The following DLGAP2 variants were observed in gnomAD, a reference collection of about 807,000 sequenced individuals.
The protein encoded by DLGAP2 is DLG associated protein 2.
In DLGAP2, 26 loss-of-function variants were observed where a neutral mutation model predicts 100.3. That is an observed-to-expected ratio of 0.26 (90% CI 0.19 to 0.36). The LOEUF (loss-of-function observed/expected upper bound fraction) is 0.36, where lower values mean the gene tolerates loss of function less well. Among genes scored for constraint, DLGAP2 ranks in the 10% least tolerant of loss-of-function variants. DLGAP2 has a pLI of 1.00. For synonymous variants in DLGAP2, 886 were observed against 630.1 expected (o/e 1.41, Z -6.08); for missense variants, 1,858 against 1,453.2 (o/e 1.28, Z -4.53).
chr8:1,480,900 G>A (rs1441239804), intron 3 of DLGAP2, among the ~76,000 whole-genome samples: 1 of 150,586 alleles, frequency 6.6e-6, no homozygotes, highest in Non-Finnish European at 1.5e-5. Context: ...AGGCTGGGAA[G>A]GGTGGCTTAC....
intron 3 of DLGAP2, among the ~76,000 whole-genome samples, chr8:1,388,395 G>A (rs1284466462): frequency 2.8e-4 from 21 of 74,910 alleles, no homozygotes; most frequent in South Asian, 5.9e-4. Context: ...TCAGGGCTGT[G>A]AGAGCAGAGG....
chr8:1,359,943 G>T (rs963525577), intron 3 of DLGAP2, among the ~76,000 whole-genome samples: 1 of 152,206 alleles, frequency 6.6e-6, no homozygotes, highest in African/African-American at 2.4e-5. Context: ...AAACAGGACC[G>T]TCCTGAGTTC....
chr8:1,191,681 G>A (rs1011683741), intron 2 of DLGAP2, among the ~76,000 whole-genome samples: 1 of 152,098 alleles, frequency 6.6e-6, no homozygotes, highest in East Asian at 1.9e-4. Context: ...AAATCAAGAA[G>A]GAACTTGAGC....
intron 4 of DLGAP2, among the ~76,000 whole-genome samples, chr8:1,540,725 C>T (rs13271550): frequency 6.6e-6 from 1 of 152,054 alleles, no homozygotes; most frequent in Non-Finnish European, 1.5e-5. Flanking sequence ...CGTGGGCGGC[C>T]GTGACCAGCA....
chr8:1,127,115 CCTT>C (rs1229382097), intron 2 of DLGAP2, among the ~76,000 whole-genome samples: 2 of 149,080 alleles, frequency 1.3e-5, no homozygotes, highest in African/African-American at 4.9e-5. Flanking sequence ...CTTAAACGGT[CCTT>C]CTGCTTGTGT....
intron 2 of DLGAP2, among the ~76,000 whole-genome samples, chr8:1,049,536 T>C (rs1214509592): frequency 2.0e-5 from 3 of 152,166 alleles, no homozygotes; most frequent in African/African-American, 7.2e-5. Context: ...TAGATAAATA[T>C]TGTTTATGTT....
intron 3 of DLGAP2, among the ~76,000 whole-genome samples, chr8:1,435,970 G>C (rs1396669712): frequency 6.6e-6 from 1 of 152,162 alleles, no homozygotes; most frequent in Non-Finnish European, 1.5e-5. Flanking sequence ...CAATGCATTT[G>C]TGTTTTAAGC....
At chr8:1,661,356 A>T (rs184259181) in intron 8 of DLGAP2, among the ~76,000 whole-genome samples, 87 of 152,298 alleles carry the variant, frequency 5.7e-4, no homozygotes, top group African/African-American at 2.0e-3. Flanking sequence ...GAGAAGAGGC[A>T]GGGAGTAACA....
intron 2 of DLGAP2, among the ~76,000 whole-genome samples, chr8:1,204,231 C>T (rs1040648654): frequency 3.3e-5 from 5 of 152,208 alleles, no homozygotes; most frequent in African/African-American, 1.2e-4. Flanking sequence ...TACTGTGTGC[C>T]CTGCGCTGTG....
rs989763575 is a variant in DLGAP2, at chr8:1,065,987, C to T, written c.73+158021C>T. On this transcript the variant is annotated intron_variant, in intron 2 of 14. Coordinates refer to ENST00000637795, the MANE Select transcript of DLGAP2 (RefSeq NM_001346810.2). ...CGAGCTGGACACTGTCCAGCCTGAG[C>T]GTGGCCACGTCGTGGTGGTGTCCAG... 2.6e-4 allele frequency among the ~76,000 whole-genome samples: 40 copies of T among 152,322 alleles called. 1 individual carries two copies. The highest frequency in any genetic ancestry group is 2.2e-3 in the Admixed American group (33 of 15,304).
chr8:1,037,860 C>T (rs913797691), intron 2 of DLGAP2, among the ~76,000 whole-genome samples: 14 of 152,194 alleles, frequency 9.2e-5, no homozygotes, highest in Admixed American at 3.3e-4. Flanking sequence ...CTCAGACAGC[C>T]GGTCTCTCCA....
In DLGAP2 at chr8:1,508,822, C is replaced by T. The variant is rs551616447; in HGVS notation, c.172+7391C>T. ...AAGCGCCCGGGGAAGACGGGGAAGA[C>T]GGGGCCAGGCTCGGGCTCCGGGGAT... On this transcript the variant is annotated intron_variant, in intron 4 of 14. Transcript: ENST00000637795. 3.3e-5 allele frequency among the ~76,000 whole-genome samples: 5 copies of T among 151,790 alleles called. No individual in the cohort carries two copies. In the South Asian group the frequency reaches 6.3e-4, roughly 19 times the overall value.
At chr8:797,510 T>A (rs1796060853) in intron 1 of DLGAP2, among the ~76,000 whole-genome samples, 1 of 152,160 alleles carries the variant, frequency 6.6e-6, no homozygotes, top group African/African-American at 2.4e-5. Context: ...CTGCTATGAC[T>A]ATTTCTGTTG....
chr8:1,362,370 C>CTTTTTTTTTTTTTTTTTTTTTTTTTTT (rs1306712258), intron 3 of DLGAP2, among the ~76,000 whole-genome samples: 5 of 151,622 alleles, frequency 3.3e-5, no homozygotes, highest in African/African-American at 9.8e-5. Flanking sequence ...GTTGCCCCTT[C>CTTTTTTTTTTTTTTTTTTTTTTTTTTT]TTGATCTTCC....
chr8:903,839 T>C (rs1798316524), intron 1 of DLGAP2, among the ~76,000 whole-genome samples: 1 of 152,208 alleles, frequency 6.6e-6, no homozygotes, highest in African/African-American at 2.4e-5. Context: ...TGACTTACGG[T>C]GCTCGTTATG....
chr8:1,548,863 C>T lies in DLGAP2; in HGVS notation c.410C>T (p.Pro137Leu), dbSNP rs765129726. 1.9e-6 allele frequency: 3 copies of T among 1,586,970 alleles called. No individual in the cohort carries two copies. The highest frequency in any genetic ancestry group is 1.3e-5 in the African/African-American group (1 of 74,684). ...SCPGGRHRCS[P>L]RSSVHSECVM... ...CCCGGGGGGCGCCACCGCTGCTCGC[C>T]GCGCAGCTCGGTGCACTCGGAGTGC... The change falls in exon 5 of 15, where the codon CCG becomes CTG. Residue 137 changes from proline to leucine, a missense_variant. Coordinates refer to ENST00000637795, the MANE Select transcript of DLGAP2 (RefSeq NM_001346810.2).
intron 3 of DLGAP2, among the ~76,000 whole-genome samples, chr8:1,307,750 A>G (rs1800523225): frequency 6.6e-6 from 1 of 152,210 alleles, no homozygotes; most frequent in Admixed American, 6.5e-5. Context: ...ATTCCACAAA[A>G]TGAAATTCGC....
At chr8:1,257,900 C>T (rs1451990244) in intron 2 of DLGAP2, among the ~76,000 whole-genome samples, 1 of 152,254 alleles carries the variant, frequency 6.6e-6, no homozygotes, top group African/African-American at 2.4e-5. Flanking sequence ...CACCTGCCCT[C>T]ATGTTCTCAG....
chr8:1,481,851 A>C (rs942627575), intron 3 of DLGAP2, among the ~76,000 whole-genome samples: 2 of 152,196 alleles, frequency 1.3e-5, no homozygotes, highest in African/African-American at 4.8e-5. Context: ...GCTGGCCCAG[A>C]AAACTAAACT....
Sources: gnomAD v4.1 joint callset for allele counts (sites outside exome capture counted in the v4.1 genomes callset) on GRCh38, gnomAD v4.1.1 for gene constraint, MANE v1.5 for transcripts, NCBI Gene and HGNC (gene_info 2026-07-23, HGNC 2026-07-21) for gene names.